ASB2: variants seen among roughly 807,000 people sequenced by gnomAD.
ASB2 encodes the protein ankyrin repeat and SOCS box containing 2.
A neutral mutation model predicts 62.4 loss-of-function variants in ASB2; 58 were observed. The ratio of observed to expected loss-of-function variants is 0.93; its 90% CI spans 0.75 to 1.16. The LOEUF (loss-of-function observed/expected upper bound fraction) is 1.16. Ranked by LOEUF, ASB2 falls within the 50% of genes most tolerant of loss-of-function variation. ASB2 has a pLI of 0.00. For synonymous variants in ASB2, 386 were observed against 385.3 expected, an observed-to-expected ratio of 1.00 and a Z score of -0.02; for missense variants, 928 against 887.9, an observed-to-expected ratio of 1.05 and a Z score of -0.57.
At chr14:93,961,167 C>T (rs1889397699) in intron 2 of ASB2, among the ~76,000 whole-genome samples, 1 of 152,124 alleles carries the variant, frequency 6.6e-6, no homozygotes, top group Admixed American at 6.5e-5. Flanking sequence ...TGTGGGAAGG[C>T]TCCAACGCCC....
chr14:93,958,959 A>G (rs1023181367), intron 2 of ASB2, among the ~76,000 whole-genome samples: 3 of 152,230 alleles, frequency 2.0e-5, no homozygotes, highest in Non-Finnish European at 1.5e-5. Flanking sequence ...GGCAGCAGCA[A>G]TGGTGGCCGG....
Position 93,952,282 on chromosome 14 carries a change from C to T in ASB2, c.635-1038G>A, listed in dbSNP as rs149671775. 5.3e-4 allele frequency among the ~76,000 whole-genome samples: 80 copies of T among 152,336 alleles called. 2 individuals carry two copies. The East Asian group carries it at 0.014, about 27-fold the overall frequency. On this transcript the variant is annotated intron_variant, in intron 5 of 9. Coordinates refer to ENST00000555019, the MANE Select transcript of ASB2 (RefSeq NM_001202429.2). ...AGTAGGTGTGCTTGCAAGACCAGGG[C>T]CAAGCTCTGGCTGTGGGCTGCCCAG...
intron 2 of ASB2, among the ~76,000 whole-genome samples, chr14:93,958,961 G>C (rs1026876792): frequency 6.6e-6 from 1 of 152,230 alleles, no homozygotes; most frequent in South Asian, 2.1e-4. Flanking sequence ...CAGCAGCAAT[G>C]GTGGCCGGGA....
chr14:93,938,972 C>G (rs1440906383), intron 8 of ASB2, 136 bp downstream of exon 8: 1 of 790,214 alleles, frequency 1.3e-6, no homozygotes, highest in African/African-American at 1.9e-5. Flanking sequence ...CCACTTCCCC[C>G]GAAGGGTGTT....
intron 4 of ASB2, 52 bp from the exon 5 acceptor site, chr14:93,953,559 C>A (rs1359650749): frequency 8.1e-6 from 12 of 1,472,880 alleles, no homozygotes; most frequent in Admixed American, 2.1e-5. Flanking sequence ...CTCAGCCCCG[C>A]AACACAGAGG....
intron 1 of ASB2, chr14:93,970,110 A>C (rs1245676865): frequency 6.6e-6 from 1 of 152,224 alleles, no homozygotes; most frequent in Non-Finnish European, 1.5e-5. Flanking sequence ...TCTGCCCGGG[A>C]ACTGGCGGTG....
rs1344536080 is a variant in ASB2, at chr14:93,939,236, C to A, written c.1489G>T (p.Asp497Tyr). ...CAGGGCTCGCCGTCGCAGCCCAGGT[C>A]CATGAGGAACTTGAGCAGCGACAGG... Reference protein sequence around the residue: ...KCLSLLKFLMDLGCDGEPCFS... With the variant: ...KCLSLLKFLMYLGCDGEPCFS... Residue 497 changes from aspartate (D) to tyrosine (Y), a missense_variant, in exon 8 of 10, where the codon GAC (aspartate) becomes TAC (tyrosine). Physicochemically the swap from Asp to Tyr is radical, Grantham distance 160. Transcript: ENST00000555019. 10 of 1,609,928 alleles carry A rather than the reference C, an allele frequency of 6.2e-6. No homozygotes were observed. Among genetic ancestry groups the A allele is most frequent in the Non-Finnish European group, 8.5e-6 (10 of 1,177,330 alleles).
intron 9 of ASB2, 61 bp from the exon 10 acceptor site, chr14:93,934,853 A>C: frequency 7.0e-7 from 1 of 1,437,278 alleles, no homozygotes; most frequent in Non-Finnish European, 9.8e-7. Flanking sequence ...AAGGGATTGC[A>C]TCTGTGACCC....
At chr14:93,953,222 G>T in intron 5 of ASB2, 130 bp downstream of exon 5, 2 of 775,656 alleles carry the variant, frequency 2.6e-6, no homozygotes, top group Non-Finnish European at 4.0e-6. Flanking sequence ...GAATGATTCA[G>T]TTACATAAAT....
chr14:93,969,084 G>T (rs185689600), intron 1 of ASB2, among the ~76,000 whole-genome samples: 1 of 152,358 alleles, frequency 6.6e-6, no homozygotes, highest in East Asian at 1.9e-4. Flanking sequence ...TGCACAAAAT[G>T]GAGATATTAG....
At chr14:93,975,975 A>G (rs538347238) in intron 1 of ASB2, among the ~76,000 whole-genome samples, 3 of 152,330 alleles carry the variant, frequency 2.0e-5, no homozygotes, top group East Asian at 3.9e-4. Flanking sequence ...CTTGGCTGCT[A>G]TGGTCTCCCA....
intron 3 of ASB2, among the ~76,000 whole-genome samples, chr14:93,956,105 T>C (rs1286278122): frequency 1.3e-5 from 2 of 152,106 alleles, no homozygotes; most frequent in African/African-American, 4.8e-5. Flanking sequence ...AGTGATAGGG[T>C]CCCTCTTTTG....
At chr14:93,956,995 C>A in intron 2 of ASB2, 125 bp from the exon 3 acceptor site, 1 of 1,541,894 alleles carries the variant, frequency 6.5e-7, no homozygotes, top group Admixed American at 2.0e-5. Context: ...AGACACAGGG[C>A]TCTGAACCAA....
intron 9 of ASB2, among the ~76,000 whole-genome samples, chr14:93,936,414 A>G (rs1456120151): frequency 6.6e-6 from 1 of 152,218 alleles, no homozygotes; most frequent in African/African-American, 2.4e-5. Flanking sequence ...AGGTGACAGA[A>G]TGGGTAGGAC....
intron 8 of ASB2, among the ~76,000 whole-genome samples, chr14:93,938,653 G>A (rs1888371086): frequency 6.6e-6 from 1 of 152,150 alleles, no homozygotes; most frequent in South Asian, 2.1e-4. Context: ...TCCGGATCGT[G>A]CTTGTTTCAC....
chr14:93,975,657 A>AT (rs749909356), intron 1 of ASB2, among the ~76,000 whole-genome samples: 52 of 151,664 alleles, frequency 3.4e-4, no homozygotes, highest in Non-Finnish European at 5.7e-4. Context: ...CCTCACCCCC[A>AT]TTTTTCACAT....
intron 2 of ASB2, among the ~76,000 whole-genome samples, chr14:93,960,694 C>T (rs1490496590): frequency 6.6e-6 from 1 of 152,098 alleles, no homozygotes; most frequent in Non-Finnish European, 1.5e-5. Context: ...TCATTTGATC[C>T]TCATCAAATT....
At position 93,951,227 on chromosome 14, in the gene ASB2, C is replaced by A; in HGVS notation, c.652G>T (p.Ala218Ser). Residue 218 changes from alanine (A) to serine (S), a missense_variant, in exon 6 of 10, where the codon GCG becomes TCG. Physicochemically the swap from Ala to Ser is moderately conservative, Grantham distance 99. Coordinates refer to ENST00000555019, the MANE Select transcript of ASB2 (RefSeq NM_001202429.2). ...TGCACCAGAATCTTCACGGCCTCCG[C>A]GTTCTTGCGCTCGCAGGCTGTGCTC... ...PLYKACERKN[A>S]EAVKILVQHN... is the part of the protein sequence containing the mutation. 1 of 1,603,716 alleles carries A rather than the reference C, an allele frequency of 6.2e-7. No homozygotes were observed. The highest frequency in any genetic ancestry group is 1.3e-5 in the African/African-American group (1 of 74,990).
chr14:93,969,874 G>A (rs1361314549), intron 1 of ASB2: 2 of 151,976 alleles, frequency 1.3e-5, no homozygotes, highest in Non-Finnish European at 2.9e-5. Flanking sequence ...GGGTTACTTA[G>A]GTTAATCCAC....
Sources: allele counts gnomAD v4.1 joint callset (sites outside exome capture counted in the v4.1 genomes callset), GRCh38; gene constraint gnomAD v4.1.1; transcripts MANE v1.5; gene names NCBI Gene and HGNC (gene_info 2026-07-23, HGNC 2026-07-21).